Variants in MBIP observed in about 807,000 individuals in gnomAD.
MBIP encodes MAP3K12-binding inhibitory protein 1.
A neutral mutation model predicts 45.7 loss-of-function variants in MBIP; 32 were observed. That is an observed-to-expected ratio of 0.70 (90% CI 0.53 to 0.94). The LOEUF is 0.94. Ranked by LOEUF, MBIP falls within the 40% of genes least tolerant of loss-of-function variation. The pLI is 0.00. For synonymous variants in MBIP, 145 were observed against 141.0 expected, an observed-to-expected ratio of 1.03 and a Z score of -0.20; for missense variants, 381 against 405.5, an observed-to-expected ratio of 0.94 and a Z score of 0.52.
At chr14:36,304,388 A>G (rs1879752345) in intron 7 of MBIP, among the ~76,000 whole-genome samples, 1 of 152,230 alleles carries the variant, frequency 6.6e-6, no homozygotes, top group Non-Finnish European at 1.5e-5. Flanking sequence ...TGCCCTTGAG[A>G]GTTTCAAAAT....
At chr14:36,314,645 T>G in intron 3 of MBIP, 37 bp from the exon 4 acceptor site, 1 of 1,606,288 alleles carries the variant, frequency 6.2e-7, no homozygotes, top group Non-Finnish European at 8.5e-7. Flanking sequence ...AAACATAAGA[T>G]TTTTTAAAAT....
Position 36,319,196 on chromosome 14 carries a change from A to C in MBIP, c.129+1264T>G, listed in dbSNP as rs1299068458. ...ATATTCCATCTTCTGTTAACAGGTG[A>C]GAATAAACTTTTTTCATCTTGACAT... On this transcript the variant is annotated intron_variant, in intron 1 of 8. Coordinates refer to ENST00000416007, the MANE Select transcript of MBIP (RefSeq NM_016586.3). Among the ~76,000 whole-genome samples, 3 of 152,170 alleles carry C rather than the reference A, an allele frequency of 2.0e-5. No individual in the cohort carries two copies. The South Asian group carries it at 6.2e-4, about 31-fold the overall frequency.
chr14:36,300,234 G>A (rs541124925), intron 8 of MBIP, among the ~76,000 whole-genome samples: 8 of 151,812 alleles, frequency 5.3e-5, no homozygotes, highest in Non-Finnish European at 7.4e-5. Context: ...AATTTACTTC[G>A]GGAAAAAATA....
chr14:36,311,802 A>C, intron 5 of MBIP, 77 bp from the exon 6 acceptor site: 1 of 1,341,964 alleles, frequency 7.5e-7, no homozygotes, highest in Non-Finnish European at 1.0e-6. Context: ...ACAGCACTTT[A>C]TATTTTTTTC....
intron 1 of MBIP, among the ~76,000 whole-genome samples, chr14:36,318,869 A>G (rs1880725332): frequency 6.6e-6 from 1 of 152,074 alleles, no homozygotes; most frequent in Non-Finnish European, 1.5e-5. Flanking sequence ...TTTTATAAGT[A>G]TGGAACTCTA....
rs1341267188 is a variant in MBIP, at chr14:36,298,794, A to G, written c.*289T>C. ...TAAATCTTCCTTCCTGTGGTCCACA[A>G]AAGAAAAAAGATGTACCAGCACTTG... is the stretch of plus-strand genomic sequence containing the variant. On this transcript the variant is annotated 3_prime_UTR_variant, in exon 9 of 9. Coordinates refer to ENST00000416007, the MANE Select transcript of MBIP (RefSeq NM_016586.3). 1 of 241,238 alleles carries G rather than the reference A, an allele frequency of 4.1e-6. No homozygotes were observed. Among genetic ancestry groups the G allele is most frequent in the African/African-American group, 2.3e-5 (1 of 44,244 alleles). The allele number at this position is 241,238 out of a possible 1,614,324, so 14.9% of individuals were successfully genotyped here.
intron 7 of MBIP, among the ~76,000 whole-genome samples, chr14:36,301,602 GT>G (rs5807862): frequency 0.81 from 123,556 of 151,940 alleles, 53,620 homozygotes; most frequent in East Asian, 0.96. Context: ...AAAGAAACCT[GT>G]TTTCTCACAA....
At chr14:36,317,905 C>A (rs978628434) in intron 1 of MBIP, among the ~76,000 whole-genome samples, 14 of 151,498 alleles carry the variant, frequency 9.2e-5, no homozygotes, top group African/African-American at 3.4e-4. Context: ...ATAAGGTTAC[C>A]AATAAAAAGA....
chr14:36,300,692 T>G (rs2296387), intron 8 of MBIP, 93 bp downstream of exon 8: 78,204 of 957,448 alleles, frequency 0.082, 4,159 homozygotes, highest in South Asian at 0.21. Context: ...GGGTATGACC[T>G]AAAAGCAACC....
At chr14:36,311,515 C>G (rs921620506) in intron 6 of MBIP, 58 bp downstream of exon 6, 11 of 1,515,534 alleles carry the variant, frequency 7.3e-6, no homozygotes, top group Non-Finnish European at 9.8e-6. Flanking sequence ...AAATGAACTG[C>G]AATTTTTTAA....
intron 7 of MBIP, among the ~76,000 whole-genome samples, chr14:36,306,221 G>A (rs1458873795): frequency 2.0e-5 from 3 of 151,854 alleles, no homozygotes; most frequent in African/African-American, 7.3e-5. Context: ...ATGATGTGGA[G>A]GGCTTTTTTT....
intron 7 of MBIP, among the ~76,000 whole-genome samples, chr14:36,302,363 G>A (rs933104261): frequency 6.6e-6 from 1 of 151,938 alleles, no homozygotes; most frequent in Non-Finnish European, 1.5e-5. Flanking sequence ...GTGGTGGCAG[G>A]TGCCTGCAGT....
chr14:36,300,787 G>A lies in MBIP; in HGVS notation c.925C>T (p.Gln309Ter), dbSNP rs1284362568. The A allele has an allele frequency of 1.3e-6, 2 of 1,552,180 alleles. No homozygotes were observed. The highest frequency in any genetic ancestry group is 8.8e-7 in the Non-Finnish European group (1 of 1,142,258). The change falls in exon 8 of 9, where the codon CAA becomes TAA. Residue 309 changes from glutamine to a stop codon, truncating the protein, a stop_gained and splice_region_variant. Transcript: ENST00000416007. LOFTEE classifies it high-confidence loss of function. ...SGKRRKVQPP[Q>*]QNYSLAELDE... ...AAAATGAAAATGCAGTAACTTACTT[G>A]AGGTGGTTGAACTTTTCTTCTTTTT...
At position 36,320,563 on chromosome 14, in the gene MBIP, CG is replaced by C. The variant is rs1379805349; in HGVS notation, c.25del (p.Arg9AlafsTer43). Reference sequence around the variant, plus strand: ...CAGGTTCCTGTCACCGCTGCTCGGGCGATTAAGCTCCGTGGCAGCAGCCATG... The same window carrying C: ...CAGGTTCCTGTCACCGCTGCTCGGGCATTAAGCTCCGTGGCAGCAGCCATG... Reference protein sequence around the residue: MAAATELNRPSSGDRNLER... With the variant: MAAATELNXPSSGDRNLER... On this transcript the variant is annotated frameshift_variant, in exon 1 of 9. Transcript: ENST00000416007. LOFTEE classifies it high-confidence loss of function. 1.1e-5 allele frequency: 17 copies of C among 1,612,544 alleles called. No homozygotes were observed. The highest frequency in any genetic ancestry group is 1.3e-5 in the Non-Finnish European group (15 of 1,179,296).
chr14:36,311,781 C>A (rs1880227774), intron 5 of MBIP, 56 bp from the exon 6 acceptor site: 3 of 1,450,868 alleles, frequency 2.1e-6, no homozygotes, highest in African/African-American at 2.9e-5. Context: ...ATCAGAAATT[C>A]TTATTCCTTA....
At chr14:36,309,769 G>A (rs1880092462) in intron 6 of MBIP, among the ~76,000 whole-genome samples, 1 of 152,070 alleles carries the variant, frequency 6.6e-6, no homozygotes, top group Non-Finnish European at 1.5e-5. Flanking sequence ...CTCTTCATTC[G>A]CATAAAGGCT....
chr14:36,305,546 T>C (rs1171554920), intron 7 of MBIP, among the ~76,000 whole-genome samples: 1 of 152,156 alleles, frequency 6.6e-6, no homozygotes, highest in Non-Finnish European at 1.5e-5. Context: ...AATCCTCTGT[T>C]TACATTTACA....
chr14:36,317,372 A>AAAGTG (rs1314887760), intron 1 of MBIP, among the ~76,000 whole-genome samples: 19 of 152,300 alleles, frequency 1.2e-4, no homozygotes, highest in African/African-American at 4.6e-4. Flanking sequence ...AAGATTATTC[A>AAAGTG]TACATATAAA....
chr14:36,310,490 G>A (rs989394265), intron 6 of MBIP, among the ~76,000 whole-genome samples: 7 of 152,038 alleles, frequency 4.6e-5, no homozygotes, highest in African/African-American at 1.2e-4. Flanking sequence ...CTGTCCCTCC[G>A]TACATACATC....
Sources: gnomAD v4.1 joint callset for allele counts (sites outside exome capture counted in the v4.1 genomes callset) on GRCh38, gnomAD v4.1.1 for gene constraint, MANE v1.5 for transcripts, NCBI Gene and HGNC (gene_info 2026-07-23, HGNC 2026-07-21) for gene names.